TCF7L2: variants seen among roughly 807,000 people sequenced by gnomAD.
TCF7L2 encodes transcription factor 7-like 2.
In TCF7L2, 23 loss-of-function variants were observed where a neutral mutation model predicts 77.9. That is an observed-to-expected ratio of 0.30 (90% CI 0.21 to 0.42). The LOEUF is 0.42. TCF7L2 is among the 10% of genes least tolerant of loss of function. TCF7L2 has a pLI of 1.00. For synonymous variants in TCF7L2, 413 were observed against 340.2 expected (o/e 1.21, Z -2.36); for missense variants, 654 against 793.1 (o/e 0.82, Z 2.11).
chr10:113,073,693 G>GA (rs766310303), intron 5 of TCF7L2, among the ~76,000 whole-genome samples: 3,429 of 133,912 alleles, frequency 0.026, 104 homozygotes, highest in African/African-American at 0.079. Flanking sequence ...CCGTCTTTAA[G>GA]AAAAAAAAAA....
At chr10:112,961,431 T>C (rs1214944625) in intron 3 of TCF7L2, among the ~76,000 whole-genome samples, 1 of 152,154 alleles carries the variant, frequency 6.6e-6, no homozygotes, top group Non-Finnish European at 1.5e-5. Flanking sequence ...TATTCTTCCT[T>C]CTAGCTTCTG....
intron 11 of TCF7L2, chr10:113,157,791 C>T (rs2072267214): frequency 6.2e-6 from 3 of 483,856 alleles, no homozygotes; most frequent in Non-Finnish European, 1.1e-5. Flanking sequence ...CCCTTCACCA[C>T]CCGCCAATCC....
chr10:113,124,770 G>C (rs1421386930), intron 5 of TCF7L2, among the ~76,000 whole-genome samples: 2 of 151,494 alleles, frequency 1.3e-5, no homozygotes, highest in Non-Finnish European at 2.9e-5. Context: ...AACGTTTTCT[G>C]CTACTGGGCT....
intron 4 of TCF7L2, among the ~76,000 whole-genome samples, chr10:112,981,647 C>T (rs1051279658): frequency 3.3e-5 from 5 of 152,286 alleles, no homozygotes; most frequent in East Asian, 1.9e-4. Flanking sequence ...TTAAATGTGA[C>T]GGGAACCAAT....
chr10:113,070,675 G>A (rs1416353531), intron 5 of TCF7L2, among the ~76,000 whole-genome samples: 1 of 152,156 alleles, frequency 6.6e-6, no homozygotes, highest in African/African-American at 2.4e-5. Context: ...ATATTGCTAA[G>A]GGTCTTCCAG....
chr10:113,079,160 G>A (rs979708435), intron 5 of TCF7L2, among the ~76,000 whole-genome samples: 1 of 152,220 alleles, frequency 6.6e-6, no homozygotes, highest in Non-Finnish European at 1.5e-5. Context: ...GACAGGTGAT[G>A]CCCTTGCCAG....
At chr10:113,086,485 T>C (rs1434363876) in intron 5 of TCF7L2, among the ~76,000 whole-genome samples, 1 of 152,244 alleles carries the variant, frequency 6.6e-6, no homozygotes, top group Non-Finnish European at 1.5e-5. Context: ...GTCTGTGACC[T>C]TGATTCTGAA....
At chr10:113,133,513 G>T (rs1243546791) in intron 5 of TCF7L2, among the ~76,000 whole-genome samples, 2 of 152,132 alleles carry the variant, frequency 1.3e-5, no homozygotes, top group Non-Finnish European at 2.9e-5. Context: ...TACCAGCTGG[G>T]TGGTTATAGT....
chr10:113,141,684 G>T (rs940680241), intron 6 of TCF7L2, among the ~76,000 whole-genome samples: 1 of 152,168 alleles, frequency 6.6e-6, no homozygotes, highest in South Asian at 2.1e-4. Context: ...CATATTGAAG[G>T]CATTTCTTGG....
At chr10:112,957,616 A>G (rs909903168) in intron 3 of TCF7L2, among the ~76,000 whole-genome samples, 2 of 152,168 alleles carry the variant, frequency 1.3e-5, no homozygotes, top group Non-Finnish European at 2.9e-5. Flanking sequence ...GGAGATTGGA[A>G]GTTTCCTTAT....
At chr10:113,146,408 C>G (rs976595907) in intron 8 of TCF7L2, among the ~76,000 whole-genome samples, 2 of 152,120 alleles carry the variant, frequency 1.3e-5, no homozygotes, top group African/African-American at 2.4e-5. Context: ...CTGTCCTCAG[C>G]AAGAAAGGTA....
At chr10:113,133,304 C>G (rs2066893879) in intron 5 of TCF7L2, 1 of 152,134 alleles carries the variant, frequency 6.6e-6, no homozygotes, top group Non-Finnish European at 1.5e-5. Context: ...GAATGTTCCT[C>G]TATTCCTCCA....
intron 5 of TCF7L2, among the ~76,000 whole-genome samples, chr10:113,040,458 A>G (rs922038344): frequency 6.6e-6 from 1 of 152,220 alleles, no homozygotes. Context: ...TTATAAAAAT[A>G]CATTCAGGGC....
intron 5 of TCF7L2, among the ~76,000 whole-genome samples, chr10:113,109,874 G>A (rs1215322467): frequency 6.6e-6 from 1 of 152,094 alleles, no homozygotes; most frequent in Non-Finnish European, 1.5e-5. Flanking sequence ...TGTTTTACCT[G>A]CCTCTTTGAT....
intron 5 of TCF7L2, among the ~76,000 whole-genome samples, chr10:113,106,026 TA>T (rs1405440211): frequency 3.9e-5 from 6 of 152,332 alleles, no homozygotes; most frequent in African/African-American, 1.4e-4. Context: ...AGTGGAATGT[TA>T]CCTAACAGGT....
At chr10:113,066,116 A>G (rs1302352899) in intron 5 of TCF7L2, among the ~76,000 whole-genome samples, 1 of 152,088 alleles carries the variant, frequency 6.6e-6, no homozygotes, top group African/African-American at 2.4e-5. Flanking sequence ...TAATCCCAGC[A>G]CTTTGGGAGG....
intron 5 of TCF7L2, chr10:113,089,346 C>T (rs908960186): frequency 2.4e-5 from 38 of 1,572,362 alleles, no homozygotes; most frequent in African/African-American, 5.4e-5. Context: ...GCCTTGGTGA[C>T]GTGTCCCCCT....
intron 4 of TCF7L2, among the ~76,000 whole-genome samples, chr10:113,030,168 A>C (rs1244909506): frequency 6.6e-6 from 1 of 152,204 alleles, no homozygotes; most frequent in African/African-American, 2.4e-5. Flanking sequence ...AAAGAATCAT[A>C]CACCATGAAA....
intron 3 of TCF7L2, among the ~76,000 whole-genome samples, chr10:112,955,087 T>C (rs1231147222): frequency 1.3e-5 from 2 of 152,128 alleles, no homozygotes; most frequent in African/African-American, 4.8e-5. Context: ...CCTTCCCAGT[T>C]GTCCTCCCAC....
Sources: gnomAD v4.1 joint callset for allele counts (sites outside exome capture counted in the v4.1 genomes callset) on GRCh38, gnomAD v4.1.1 for gene constraint, MANE v1.5 for transcripts, NCBI Gene and HGNC (gene_info 2026-07-23, HGNC 2026-07-21) for gene names.